Variants in WASHC3 observed in about 807,000 individuals in gnomAD.
WASHC3 encodes the protein WASH complex subunit CCDC53.
A neutral mutation model predicts 26.1 loss-of-function variants in WASHC3; 24 were observed. That is an observed-to-expected ratio of 0.92 (90% CI 0.66 to 1.29). The LOEUF (loss-of-function observed/expected upper bound fraction) is 1.29. Among genes scored for constraint, WASHC3 ranks in the 50% most tolerant of loss-of-function variants. WASHC3 has a pLI of 0.00. For synonymous variants in WASHC3, 77 were observed against 75.7 expected (o/e 1.02, Z -0.09); for missense variants, 214 against 229.6 (o/e 0.93, Z 0.44).
At chr12:102,034,022 A>G (rs1054148515) in intron 5 of WASHC3, among the ~76,000 whole-genome samples, 1 of 152,128 alleles carries the variant, frequency 6.6e-6, no homozygotes, top group African/African-American at 2.4e-5. Flanking sequence ...GTATTTTAAT[A>G]CATATCTAAA....
intron 6 of WASHC3, chr12:102,017,830 A>G (rs746185647): frequency 1.2e-5 from 5 of 426,688 alleles, no homozygotes; most frequent in South Asian, 8.7e-5. Context: ...CAGATAACAT[A>G]AAATTTAATA....
chr12:102,038,978 G>T (rs1877800169), intron 5 of WASHC3, among the ~76,000 whole-genome samples: 1 of 151,770 alleles, frequency 6.6e-6, no homozygotes, highest in Admixed American at 6.6e-5. Flanking sequence ...TTTTGAGACA[G>T]GGTCTTGCTC....
At chr12:102,056,428 A>T (rs979397897) in intron 2 of WASHC3, among the ~76,000 whole-genome samples, 10 of 152,338 alleles carry the variant, frequency 6.6e-5, no homozygotes, top group African/African-American at 1.9e-4. Flanking sequence ...GGGATAAAAA[A>T]GGGGTGACTG....
At chr12:102,061,486 T>C (rs1878809285) in intron 1 of WASHC3, 140 bp from the exon 2 acceptor site, 3 of 658,016 alleles carry the variant, frequency 4.6e-6, no homozygotes, top group Non-Finnish European at 8.2e-6. Context: ...ATTAACTTGT[T>C]TCCTAAGCTG....
chr12:102,034,052 AC>A (rs1877547395), intron 5 of WASHC3, among the ~76,000 whole-genome samples: 1 of 152,100 alleles, frequency 6.6e-6, no homozygotes, highest in Non-Finnish European at 1.5e-5. Context: ...GGAAAGTGAA[AC>A]ACTTTTCAGT....
At chr12:102,016,449 C>T (rs1425395566) in intron 6 of WASHC3, among the ~76,000 whole-genome samples, 3 of 151,758 alleles carry the variant, frequency 2.0e-5, no homozygotes, top group African/African-American at 7.3e-5. Context: ...AGGTGATGCA[C>T]CTGCCTCAGC....
intron 2 of WASHC3, chr12:102,050,409 A>G (rs1048342414): frequency 2.4e-6 from 1 of 411,336 alleles, no homozygotes; most frequent in Non-Finnish European, 4.8e-6. Flanking sequence ...CTTAAGCCCA[A>G]GAGTTGGAGA....
intron 2 of WASHC3, among the ~76,000 whole-genome samples, chr12:102,046,383 C>G (rs977478601): frequency 1.3e-5 from 2 of 152,038 alleles, no homozygotes; most frequent in East Asian, 3.9e-4. Flanking sequence ...GCAACCCCTG[C>G]CCCCTGGGTT....
rs145286979 is a variant in WASHC3 at position 102,055,775 on chromosome 12, T to C, written c.150+5473A>G. On this transcript the variant is annotated intron_variant, in intron 2 of 6. Coordinates refer to ENST00000240079, the MANE Select transcript of WASHC3 (RefSeq NM_016053.4). ...GAATTTTTAGATGGTCCCAATTTTCTACAGGAATGTTTAGATGAGAATTTT... is the reference window on the plus strand; with the variant it reads ...GAATTTTTAGATGGTCCCAATTTTCCACAGGAATGTTTAGATGAGAATTTT... Among the ~76,000 whole-genome samples, 281 of 152,368 alleles carry C rather than the reference T, an allele frequency of 1.8e-3. 3 individuals carry two copies. Among genetic ancestry groups the C allele is most frequent in the Middle Eastern group, 6.8e-3 (2 of 294 alleles).
intron 6 of WASHC3, among the ~76,000 whole-genome samples, chr12:102,022,602 T>TC (rs1594349611): frequency 6.6e-6 from 1 of 152,178 alleles, no homozygotes; most frequent in East Asian, 1.9e-4. Context: ...AAGTAGACCA[T>TC]CTCTAAAGCC....
At chr12:102,057,272 C>T (rs1878628028) in intron 2 of WASHC3, among the ~76,000 whole-genome samples, 1 of 152,046 alleles carries the variant, frequency 6.6e-6, no homozygotes, top group African/African-American at 2.4e-5. Context: ...TAGCTCAACA[C>T]AATGAAGGCC....
chr12:102,031,951 A>C (rs1301864570), intron 5 of WASHC3, among the ~76,000 whole-genome samples: 1 of 152,180 alleles, frequency 6.6e-6, no homozygotes, highest in Non-Finnish European at 1.5e-5. Context: ...GGAGTTCTCT[A>C]AACCATGGAA....
At chr12:102,029,376 T>TTCCAAAAA (rs1289875153) in intron 5 of WASHC3, among the ~76,000 whole-genome samples, 2 of 152,134 alleles carry the variant, frequency 1.3e-5, no homozygotes, top group Middle Eastern at 6.3e-3. Flanking sequence ...CAGCCATAAG[T>TTCCAAAAA]CTGATGTTCC....
rs144033927 is a variant in WASHC3, at chr12:102,049,912, A to G, written c.151-3793T>C. ...AATGAATGTAGAAGATAAGCACTAA[A>G]GAAACTTTCAGGTTATGTGACAATT... On this transcript the variant is annotated intron_variant, in intron 2 of 6. Coordinates refer to ENST00000240079, the MANE Select transcript of WASHC3 (RefSeq NM_016053.4). Among the ~76,000 whole-genome samples, 94 of 152,350 alleles carry G rather than the reference A, an allele frequency of 6.2e-4. 1 individual carries two copies. The highest frequency in any genetic ancestry group is 2.2e-3 in the African/African-American group (92 of 41,580).
At chr12:102,035,266 C>T (rs573708825) in intron 5 of WASHC3, among the ~76,000 whole-genome samples, 2 of 152,176 alleles carry the variant, frequency 1.3e-5, no homozygotes, top group East Asian at 1.9e-4. Context: ...AGCAATGAGG[C>T]AAACATGCAA....
chr12:102,026,434 G>A (rs1319809620), intron 5 of WASHC3, among the ~76,000 whole-genome samples: 1 of 152,146 alleles, frequency 6.6e-6, no homozygotes, highest in Non-Finnish European at 1.5e-5. Context: ...ATTTCAGAGA[G>A]TTCCATTCTT....
At chr12:102,038,576 CT>C (rs1246872393) in intron 5 of WASHC3, among the ~76,000 whole-genome samples, 5 of 152,060 alleles carry the variant, frequency 3.3e-5, no homozygotes, top group Admixed American at 2.6e-4. Context: ...ATCTTTTAAG[CT>C]TAGGCTTTCC....
intron 4 of WASHC3, 106 bp from the exon 5 acceptor site, chr12:102,040,084 G>GA (rs1877880597): frequency 6.5e-6 from 3 of 465,056 alleles, no homozygotes; most frequent in Admixed American, 3.5e-5. Flanking sequence ...GTAAATTGCA[G>GA]AAAAAAATCA....
intron 6 of WASHC3, among the ~76,000 whole-genome samples, chr12:102,025,319 C>A (rs548113416): frequency 6.6e-6 from 1 of 151,940 alleles, no homozygotes. Flanking sequence ...AACTATACAG[C>A]CAGATTTGCT....
Sources: allele counts gnomAD v4.1 joint callset (sites outside exome capture counted in the v4.1 genomes callset), GRCh38; gene constraint gnomAD v4.1.1; transcripts MANE v1.5; gene names NCBI Gene and HGNC (gene_info 2026-07-23, HGNC 2026-07-21).